Variants in ASPRV1 observed in about 807,000 individuals in gnomAD.
The protein encoded by ASPRV1 is aspartic peptidase retroviral like 1.
ASPRV1 carries 7 observed loss-of-function variants against 11.0 expected under a neutral mutation model. That is an observed-to-expected ratio of 0.64 (90% CI 0.36 to 1.20). The LOEUF (loss-of-function observed/expected upper bound fraction) is 1.20. Ranked by LOEUF, ASPRV1 falls within the 50% of genes most tolerant of loss-of-function variation. ASPRV1 has a pLI of 0.02. For missense variants in ASPRV1, 299 were observed against 320.0 expected (o/e 0.93, Z 0.50); for synonymous variants, 136 against 138.4 (o/e 0.98, Z 0.12).
chr2:70,020,232 ACTCTGGTT>A, the ASPRV1 span, among the ~76,000 whole-genome samples: 1 of 152,076 alleles, frequency 6.6e-6, no homozygotes, highest in Non-Finnish European at 1.5e-5. Context: ...TAGCAATTCC[ACTCTGGTT>A]ATATATACAA....
the ASPRV1 span, among the ~76,000 whole-genome samples, chr2:70,042,379 G>A: frequency 6.6e-6 from 1 of 152,160 alleles, no homozygotes; most frequent in Non-Finnish European, 1.5e-5. Flanking sequence ...ACCTACTAAA[G>A]CCTAGATGCA....
the ASPRV1 span, among the ~76,000 whole-genome samples, chr2:70,027,409 C>T: frequency 0.13 from 19,286 of 151,610 alleles, 1,778 homozygotes; most frequent in South Asian, 0.25. Flanking sequence ...ATAATACATA[C>T]AAAAGAAAGG....
the ASPRV1 span, among the ~76,000 whole-genome samples, chr2:70,061,929 C>T: frequency 2.0e-5 from 3 of 150,582 alleles, no homozygotes; most frequent in African/African-American, 7.3e-5. Context: ...CTCCATTGCA[C>T]TGCAGCCTGG....
the ASPRV1 span, among the ~76,000 whole-genome samples, chr2:70,023,437 G>A: frequency 1.3e-5 from 2 of 152,124 alleles, no homozygotes; most frequent in Admixed American, 6.6e-5. Flanking sequence ...CCCTCCATTG[G>A]GCACTCTCTC....
chr2:70,019,036 T>C, the ASPRV1 span: 11 of 152,104 alleles, frequency 7.2e-5, no homozygotes, highest in Non-Finnish European at 1.3e-4. Context: ...TGATCTAAAG[T>C]GTAGATAAGA....
the ASPRV1 span, chr2:69,935,400 C>T: frequency 1.2e-6 from 2 of 1,614,132 alleles, no homozygotes; most frequent in Admixed American, 3.3e-5. Context: ...GCTGGTGCCA[C>T]TTGGACCCGA....
the ASPRV1 span, among the ~76,000 whole-genome samples, chr2:70,057,027 G>A: frequency 2.6e-5 from 4 of 151,590 alleles, no homozygotes; most frequent in Admixed American, 6.6e-5. Context: ...GTGAGCCACC[G>A]CGCCCAGCTC....
At chr2:70,067,275 G>A in the ASPRV1 span, among the ~76,000 whole-genome samples, 4 of 152,164 alleles carry the variant, frequency 2.6e-5, no homozygotes, top group South Asian at 2.1e-4. Flanking sequence ...GGCTTTAGCC[G>A]CTGCATACTG....
At chr2:70,039,332 A>T in the ASPRV1 span, among the ~76,000 whole-genome samples, 1 of 152,190 alleles carries the variant, frequency 6.6e-6, no homozygotes, top group African/African-American at 2.4e-5. Flanking sequence ...AGTGTACTTG[A>T]TCTAGTAAAC....
At chr2:69,999,273 G>C in the ASPRV1 span, among the ~76,000 whole-genome samples, 1 of 151,598 alleles carries the variant, frequency 6.6e-6, no homozygotes, top group South Asian at 2.1e-4. Flanking sequence ...TGCCCAGCTA[G>C]ATTAAGATTC....
At chr2:69,977,171 G>T in the ASPRV1 span, among the ~76,000 whole-genome samples, 1 of 138,280 alleles carries the variant, frequency 7.2e-6, no homozygotes, top group East Asian at 2.0e-4. Flanking sequence ...GTGAGACTCT[G>T]TAAAAAAAAA....
At chr2:70,048,542 T>C in the ASPRV1 span, 1 of 152,426 alleles carries the variant, frequency 6.6e-6, no homozygotes, top group African/African-American at 2.4e-5. Context: ...GTATGGAATC[T>C]ATGCACAGCC....
chr2:69,961,390 G>A lies in ASPRV1; in HGVS notation c.47C>T (p.Ala16Val). The A allele has an allele frequency of 1.2e-6, 2 of 1,614,136 alleles. No homozygotes were observed. The highest frequency in any genetic ancestry group is 1.1e-5 in the South Asian group (1 of 91,092). Residue 16 changes from alanine (A) to valine (V), a missense_variant, in exon 1 of 1, where the codon GCC (alanine) becomes GTC (valine). By Grantham distance (64) the Ala-to-Val change is moderately conservative. Coordinates refer to ENST00000320256, the MANE Select transcript of ASPRV1 (RefSeq NM_152792.4). ...CCCATCAAAAGGTTCCGGGACGAAGGCATGCTGCCGGCGGCCTTCCTCACT... is the reference window on the plus strand; with the variant it reads ...CCCATCAAAAGGTTCCGGGACGAAGACATGCTGCCGGCGGCCTTCCTCACT... ...ARSEEGRRQHAFVPEPFDGAN... is the reference protein window; with the variant it reads ...ARSEEGRRQHVFVPEPFDGAN...
chr2:70,033,817 C>T, the ASPRV1 span, among the ~76,000 whole-genome samples: 48 of 152,306 alleles, frequency 3.2e-4, no homozygotes, highest in African/African-American at 1.2e-3. Context: ...AAACAATTCC[C>T]ATACACTCAC....
the ASPRV1 span, chr2:69,941,304 T>A: frequency 6.6e-6 from 1 of 152,226 alleles, no homozygotes; most frequent in East Asian, 1.9e-4. Context: ...CCCTGTTGGC[T>A]TTGAATGGTG....
chr2:69,946,063 C>T, the ASPRV1 span, among the ~76,000 whole-genome samples: 1 of 152,128 alleles, frequency 6.6e-6, no homozygotes, highest in Non-Finnish European at 1.5e-5. Context: ...CTGGGTGACA[C>T]CTGGAGATAG....
At chr2:69,956,451 G>GGAAGAAGAAGAAGAAGAA (rs112463800), downstream of ASPRV1, among the ~76,000 whole-genome samples, 273 of 98,050 alleles carry the variant, frequency 2.8e-3, 18 homozygotes, top group African/African-American at 0.014. Context: ...AAGGAGAAGA[G>GGAAGAAGAAGAAGAAGAA]GAAGAAGAAG....
downstream of ASPRV1, among the ~76,000 whole-genome samples, chr2:69,956,646 GAC>G (rs1023403732): frequency 1.8e-4 from 27 of 152,240 alleles, no homozygotes; most frequent in African/African-American, 6.3e-4. Context: ...GGCTAGTGGT[GAC>G]AGTCTTATGA....
chr2:70,060,768 A>T, the ASPRV1 span, among the ~76,000 whole-genome samples: 19 of 152,174 alleles, frequency 1.2e-4, no homozygotes, highest in African/African-American at 4.1e-4. Context: ...GTAAGCTGAG[A>T]TCGCTCCACT....
Sources: gnomAD v4.1 joint callset for allele counts (sites outside exome capture counted in the v4.1 genomes callset) on GRCh38, gnomAD v4.1.1 for gene constraint, MANE v1.5 for transcripts, NCBI Gene and HGNC (gene_info 2026-07-23, HGNC 2026-07-21) for gene names.